Variants in NCOA2 observed in about 807,000 individuals in gnomAD.
The protein encoded by NCOA2 is nuclear receptor coactivator 2, also known as class E basic helix-loop-helix protein 75.
In NCOA2, 21 loss-of-function variants were observed where a neutral mutation model predicts 145.1. That is an observed-to-expected ratio of 0.14 (90% CI 0.10 to 0.21). The LOEUF (loss-of-function observed/expected upper bound fraction) is 0.21. NCOA2 is among the 10% of genes least tolerant of loss of function. The pLI is 1.00. For synonymous variants in NCOA2, 619 were observed against 637.5 expected, an observed-to-expected ratio of 0.97 and a Z score of 0.44; for missense variants, 1,472 against 1,837.6, an observed-to-expected ratio of 0.80 and a Z score of 3.64.
chr8:70,282,766 G>C (rs2135502575), intron 2 of NCOA2, among the ~76,000 whole-genome samples: 1 of 151,508 alleles, frequency 6.6e-6, no homozygotes, highest in African/African-American at 2.4e-5. Context: ...AAAATTCCAT[G>C]ATTCGTTCAA....
chr8:70,338,117 A>C (rs768107417), intron 1 of NCOA2, among the ~76,000 whole-genome samples: 3 of 137,098 alleles, frequency 2.2e-5, no homozygotes, highest in African/African-American at 7.7e-5. Context: ...ATAGAGACAC[A>C]AAAAAACCCT....
At chr8:70,257,014 C>CT (rs1163530484) in intron 2 of NCOA2, among the ~76,000 whole-genome samples, 2 of 152,204 alleles carry the variant, frequency 1.3e-5, no homozygotes, top group African/African-American at 4.8e-5. Flanking sequence ...GCCAGCCACT[C>CT]TGATAGGCGT....
At chr8:70,335,347 G>A (rs1234797071) in intron 1 of NCOA2, among the ~76,000 whole-genome samples, 1 of 152,026 alleles carries the variant, frequency 6.6e-6, no homozygotes, top group Non-Finnish European at 1.5e-5. Flanking sequence ...GCAGAACTGA[G>A]CTGGTTTGTC....
At chr8:70,441,954 GGAAA>G in the NCOA2 span, among the ~76,000 whole-genome samples, 2 of 121,118 alleles carry the variant, frequency 1.7e-5, no homozygotes, top group African/African-American at 6.1e-5. Flanking sequence ...AAGAAAGAAA[GGAAA>G]GAAAGAGAGA....
rs1368923804 is a variant in NCOA2 at position 70,128,747 on chromosome 8, T to C, written c.3558A>G (p.Pro1186=). 6.2e-7 allele frequency: 1 copy of C among 1,614,036 alleles called. No homozygotes were observed. The highest frequency in any genetic ancestry group is 8.5e-7 in the Non-Finnish European group (1 of 1,179,904). The change falls in exon 17 of 23, where the codon CCA becomes CCG. Residue 1186 remains proline, a synonymous_variant. Coordinates refer to ENST00000452400, the MANE Select transcript of NCOA2 (RefSeq NM_006540.4). ...LRPTGLVQNQ[P]NQLRLQLQHR... is the part of the protein sequence containing the mutation. ...GCTGAAGTTGAAGTCTTAGTTGATT[T>C]GGCTGGTTCTGCACTAGGCCCGTGG... is the stretch of plus-strand genomic sequence containing the variant.
At chr8:70,425,947 G>A in the NCOA2 span, among the ~76,000 whole-genome samples, 1 of 152,106 alleles carries the variant, frequency 6.6e-6, no homozygotes, top group Non-Finnish European at 1.5e-5. Flanking sequence ...CACAATCAGA[G>A]GATGGAATGT....
chr8:70,260,898 T>C (rs1824058780), intron 2 of NCOA2, among the ~76,000 whole-genome samples: 1 of 152,026 alleles, frequency 6.6e-6, no homozygotes, highest in African/African-American at 2.4e-5. Context: ...AAAACCACAA[T>C]GAGATACCAT....
At chr8:70,168,064 C>T (rs1158763506) in intron 6 of NCOA2, among the ~76,000 whole-genome samples, 1 of 152,122 alleles carries the variant, frequency 6.6e-6, no homozygotes, top group African/African-American at 2.4e-5. Context: ...CATAAGAAAA[C>T]TAATATATTC....
chr8:70,438,198 A>G, the NCOA2 span, among the ~76,000 whole-genome samples: 1 of 152,246 alleles, frequency 6.6e-6, no homozygotes, highest in Non-Finnish European at 1.5e-5. Flanking sequence ...AATCACAATT[A>G]CAATAGTATG....
At chr8:70,212,329 G>A (rs1819125797) in intron 4 of NCOA2, among the ~76,000 whole-genome samples, 1 of 151,992 alleles carries the variant, frequency 6.6e-6, no homozygotes, top group Non-Finnish European at 1.5e-5. Flanking sequence ...AAAATATGAA[G>A]ATACAAAATT....
chr8:70,314,210 C>CAAAAAAAAAAAAA (rs1805390436), intron 1 of NCOA2, among the ~76,000 whole-genome samples: 2 of 80,786 alleles, frequency 2.5e-5, no homozygotes, highest in South Asian at 5.0e-4. Context: ...AAAAAAAAAG[C>CAAAAAAAAAAAAA]AACTGTCATG....
intron 2 of NCOA2, among the ~76,000 whole-genome samples, chr8:70,277,954 T>C (rs1055928873): frequency 2.0e-5 from 3 of 152,216 alleles, no homozygotes; most frequent in Admixed American, 6.5e-5. Flanking sequence ...AAATGTACAA[T>C]AGTTTTTAGT....
At chr8:70,292,028 T>G in intron 2 of NCOA2, among the ~76,000 whole-genome samples, 1 of 144,412 alleles carries the variant, frequency 6.9e-6, no homozygotes, top group South Asian at 2.2e-4. Context: ...TGAGCTGAGA[T>G]CCACCCACTG....
chr8:70,426,401 T>C, the NCOA2 span, among the ~76,000 whole-genome samples: 7 of 152,400 alleles, frequency 4.6e-5, no homozygotes, highest in African/African-American at 1.7e-4. Flanking sequence ...TTTAATTTTA[T>C]AAATTATTCA....
chr8:70,221,910 T>G (rs1248544358), intron 2 of NCOA2, among the ~76,000 whole-genome samples: 1 of 152,156 alleles, frequency 6.6e-6, no homozygotes, highest in Non-Finnish European at 1.5e-5. Context: ...TGACACAATA[T>G]TTTTAAAATT....
the NCOA2 span, among the ~76,000 whole-genome samples, chr8:70,432,136 T>C: frequency 1.3e-5 from 2 of 152,258 alleles, no homozygotes; most frequent in Non-Finnish European, 1.5e-5. Context: ...TTGCTAATAC[T>C]GATCATTGCA....
intron 1 of NCOA2, among the ~76,000 whole-genome samples, chr8:70,309,123 G>A (rs1270770501): frequency 6.6e-6 from 1 of 152,064 alleles, no homozygotes; most frequent in Non-Finnish European, 1.5e-5. Context: ...TGGCCATGTG[G>A]AAAAGCCATA....
chr8:70,400,902 A>C (rs1029188827), intron 1 of NCOA2, among the ~76,000 whole-genome samples: 3 of 152,236 alleles, frequency 2.0e-5, no homozygotes, highest in Non-Finnish European at 2.9e-5. Context: ...CACATTTTCC[A>C]CATAAGATAC....
At chr8:70,116,167 A>T (rs1807097098) in intron 22 of NCOA2, among the ~76,000 whole-genome samples, 3 of 145,240 alleles carry the variant, frequency 2.1e-5, no homozygotes, top group African/African-American at 7.8e-5. Flanking sequence ...AGCCTGGGCG[A>T]CAAAGCGAGA....
Sources: allele counts gnomAD v4.1 joint callset (sites outside exome capture counted in the v4.1 genomes callset), GRCh38; gene constraint gnomAD v4.1.1; transcripts MANE v1.5; gene names NCBI Gene and HGNC (gene_info 2026-07-23, HGNC 2026-07-21).